The following STPG2 variants were observed in gnomAD, a reference collection of about 807,000 sequenced individuals.
STPG2 encodes sperm-tail PG-rich repeat-containing protein 2.
In STPG2, 56 loss-of-function variants were observed where a neutral mutation model predicts 54.2. That is an observed-to-expected ratio of 1.03 (90% CI 0.83 to 1.29). The LOEUF is 1.29. Ranked by LOEUF, STPG2 falls within the 50% of genes most tolerant of loss-of-function variation. The pLI is 0.00. For synonymous variants in STPG2, 200 were observed against 181.8 expected (o/e 1.10, Z -0.81); for missense variants, 596 against 544.9 (o/e 1.09, Z -0.93).
At chr4:97,453,800 C>T (rs542741391) in intron 4 of STPG2, among the ~76,000 whole-genome samples, 33 of 152,204 alleles carry the variant, frequency 2.2e-4, no homozygotes, top group African/African-American at 6.3e-4. Context: ...GTCCTGGCAC[C>T]ACGCTCAGCA....
intron 4 of STPG2, among the ~76,000 whole-genome samples, chr4:97,471,199 T>G (rs930339518): frequency 2.0e-5 from 3 of 152,158 alleles, no homozygotes; most frequent in African/African-American, 7.2e-5. Context: ...GATTACAGTT[T>G]ACTTTGGGTA....
chr4:98,077,320 T>C (rs901313474), intron 5 of STPG2, among the ~76,000 whole-genome samples: 1 of 152,088 alleles, frequency 6.6e-6, no homozygotes, highest in Admixed American at 6.6e-5. Context: ...CTCAGCTCAC[T>C]GCAACCTCTG....
chr4:97,632,232 T>A (rs942278297), intron 10 of STPG2, among the ~76,000 whole-genome samples: 2 of 151,680 alleles, frequency 1.3e-5, no homozygotes, highest in Non-Finnish European at 2.9e-5. Context: ...AATAATAGAT[T>A]TTTTTGTTTT....
intron 9 of STPG2, among the ~76,000 whole-genome samples, chr4:97,783,245 C>T (rs181896506): frequency 1.9e-3 from 295 of 151,834 alleles, no homozygotes; most frequent in African/African-American, 6.9e-3. Context: ...AAAAAACAAC[C>T]GCATCAAAAA....
intron 10 of STPG2, among the ~76,000 whole-genome samples, chr4:97,666,816 G>A (rs1234657589): frequency 2.0e-5 from 3 of 152,152 alleles, no homozygotes; most frequent in Non-Finnish European, 4.4e-5. Context: ...TTAGAGCTGG[G>A]ATTCTAACTC....
Position 98,109,199 on chromosome 4 carries a change from A to G in STPG2, c.494T>C (p.Ile165Thr). Residue 165 changes from isoleucine to threonine, a missense_variant, in exon 4 of 11, where the codon ATA (isoleucine) becomes ACA (threonine). Coordinates refer to ENST00000295268, the MANE Select transcript of STPG2 (RefSeq NM_174952.3). ...ACTATATTTTTTTACTTACTGGACT[A>G]TATCATACTGTCCTGGACCAGGACC... ...KSGPGPGQYDIVQKKTSYYEN... is the reference protein window; with the variant it reads ...KSGPGPGQYDTVQKKTSYYEN... 6.3e-7 allele frequency: 1 copy of G among 1,587,740 alleles called. No homozygotes were observed. The highest frequency in any genetic ancestry group is 8.6e-7 in the Non-Finnish European group (1 of 1,164,330).
At chr4:98,093,087 A>G (rs1361472054) in intron 5 of STPG2, among the ~76,000 whole-genome samples, 1 of 152,242 alleles carries the variant, frequency 6.6e-6, no homozygotes, top group Non-Finnish European at 1.5e-5. Flanking sequence ...CAAAGCTAAC[A>G]CAGCAACTTC....
rs1560694950 is a variant in STPG2 at position 98,134,464 on chromosome 4, A to T, written c.110-5T>A. 6.5e-7 allele frequency: 1 copy of T among 1,536,748 alleles called. No homozygotes were observed. Among genetic ancestry groups the T allele is most frequent in the East Asian group, 2.4e-5 (1 of 42,440 alleles). ...AAAGAAATGGTGCATTACTACCTAT[A>T]AAAATAAAATCATATGACCAGCAGA... On this transcript the variant is annotated splice_polypyrimidine_tract_variant and splice_region_variant and intron_variant, in intron 1 of 10. Coordinates refer to ENST00000295268, the MANE Select transcript of STPG2 (RefSeq NM_174952.3).
At chr4:97,863,101 C>G (rs931796708) in intron 8 of STPG2, among the ~76,000 whole-genome samples, 1 of 151,764 alleles carries the variant, frequency 6.6e-6, no homozygotes, top group Admixed American at 6.6e-5. Flanking sequence ...AAGATCAGAG[C>G]AGAACTGAAG....
chr4:97,935,279 C>T (rs1461827799), intron 8 of STPG2, among the ~76,000 whole-genome samples: 10 of 151,948 alleles, frequency 6.6e-5, no homozygotes. Flanking sequence ...ATTAACTTTG[C>T]CCAGAAGTTA....
Position 97,447,885 on chromosome 4 carries a change from G to T in STPG2, c.463-260052C>A, listed in dbSNP as rs373162002. Among the ~76,000 whole-genome samples, 21 of 152,228 alleles carry T rather than the reference G, an allele frequency of 1.4e-4. No homozygotes were observed. In the East Asian group the frequency reaches 1.8e-3, roughly 13 times the overall value. On this transcript the variant is annotated intron_variant, in intron 4 of 4. Transcript: ENST00000522676. ...GTGAGAAGAAAGCCACCCTTATCCA[G>T]ACCCAAGAATAGTAGGTCTACTGAC...
intron 10 of STPG2, among the ~76,000 whole-genome samples, chr4:97,564,153 C>G (rs1732349446): frequency 6.6e-6 from 1 of 152,166 alleles, no homozygotes; most frequent in Non-Finnish European, 1.5e-5. Flanking sequence ...ATAGTTAGCT[C>G]TTCTTGTTGA....
intron 7 of STPG2, among the ~76,000 whole-genome samples, chr4:97,961,400 C>G (rs2149248234): frequency 6.6e-6 from 1 of 152,258 alleles, no homozygotes; most frequent in Non-Finnish European, 1.5e-5. Flanking sequence ...GCAAAAGGAA[C>G]AGTCAGCAGA....
At chr4:97,634,826 A>T (rs1023816689) in intron 10 of STPG2, among the ~76,000 whole-genome samples, 4 of 150,978 alleles carry the variant, frequency 2.6e-5, no homozygotes, top group African/African-American at 9.7e-5. Flanking sequence ...GCCTCCAAGA[A>T]ATATGGGACT....
intron 7 of STPG2, among the ~76,000 whole-genome samples, chr4:97,952,686 T>C (rs1036601012): frequency 6.6e-6 from 1 of 151,848 alleles, no homozygotes; most frequent in Non-Finnish European, 1.5e-5. Context: ...CAGGGGAGGG[T>C]CATAGACTCT....
At chr4:97,946,020 C>G (rs998070890) in intron 7 of STPG2, among the ~76,000 whole-genome samples, 15 of 152,078 alleles carry the variant, frequency 9.9e-5, no homozygotes, top group Non-Finnish European at 2.9e-5. Flanking sequence ...AATCACACTA[C>G]TGCACTCCAG....
chr4:98,046,985 G>A (rs1047511417), intron 5 of STPG2, among the ~76,000 whole-genome samples: 10 of 152,134 alleles, frequency 6.6e-5, no homozygotes, highest in African/African-American at 1.9e-4. Flanking sequence ...TTAAAGGCCC[G>A]ACCCACAGGC....
intron 9 of STPG2, among the ~76,000 whole-genome samples, chr4:97,751,846 T>C (rs1281440635): frequency 6.6e-6 from 1 of 151,710 alleles, no homozygotes; most frequent in Admixed American, 6.6e-5. Flanking sequence ...TAATTACTAA[T>C]TAGGACTTCT....
chr4:97,499,963 A>G (rs1730689561), intron 4 of STPG2, among the ~76,000 whole-genome samples: 1 of 152,024 alleles, frequency 6.6e-6, no homozygotes, highest in South Asian at 2.1e-4. Context: ...GAGTATTTTA[A>G]GTTTTACATG....
Sources: allele counts gnomAD v4.1 joint callset (sites outside exome capture counted in the v4.1 genomes callset), GRCh38; gene constraint gnomAD v4.1.1; transcripts MANE v1.5; gene names NCBI Gene and HGNC (gene_info 2026-07-23, HGNC 2026-07-21).